Variants in PPP2R2C observed in about 807,000 individuals in gnomAD.
PPP2R2C encodes the protein protein phosphatase 2 regulatory subunit Bgamma.
A neutral mutation model predicts 45.3 loss-of-function variants in PPP2R2C; 10 were observed. The ratio of observed to expected loss-of-function variants is 0.22; its 90% CI spans 0.14 to 0.37. The LOEUF (loss-of-function observed/expected upper bound fraction) is 0.37. PPP2R2C is among the 10% of genes least tolerant of loss of function. The pLI is 1.00. For missense variants in PPP2R2C, 308 were observed against 619.7 expected, an observed-to-expected ratio of 0.50 and a Z score of 5.34; for synonymous variants, 257 against 245.4, an observed-to-expected ratio of 1.05 and a Z score of -0.44.
chr4:6,539,738 C>T (rs13121398), intron 1 of PPP2R2C, among the ~76,000 whole-genome samples: 54,248 of 152,088 alleles, frequency 0.36, 11,208 homozygotes, highest in Non-Finnish European at 0.47. Flanking sequence ...TCCCTGCAGG[C>T]GGAAGCTGCA....
chr4:6,336,569 G>A (rs2109185502), intron 6 of PPP2R2C, among the ~76,000 whole-genome samples: 1 of 151,466 alleles, frequency 6.6e-6, no homozygotes, highest in Non-Finnish European at 1.5e-5. Context: ...AGGGCCGCAG[G>A]CAGCAAAGAT....
In PPP2R2C at chr4:6,483,646, T is replaced by C. The variant is rs149450434; in HGVS notation, c.49+51625A>G. 1.7e-3 allele frequency among the ~76,000 whole-genome samples: 256 copies of C among 152,208 alleles called. 2 individuals are homozygous for C. Among genetic ancestry groups the C allele is most frequent in the Admixed American group, 2.2e-3 (33 of 15,290 alleles). On this transcript the variant is annotated intron_variant, in intron 2 of 9. Coordinates refer to the PPP2R2C transcript ENST00000506140. ...GGTTGTTTGCCTTCTTACTATTGAG[T>C]TTTGAGAATCCTTTATATATTCTAG... is the stretch of plus-strand genomic sequence containing the variant.
chr4:6,496,942 T>C (rs1259543525), intron 2 of PPP2R2C, among the ~76,000 whole-genome samples: 3 of 152,058 alleles, frequency 2.0e-5, no homozygotes, highest in African/African-American at 4.8e-5. Flanking sequence ...GCCATACGTA[T>C]GGACGGGGGT....
At chr4:6,495,639 G>A (rs1722857136) in intron 2 of PPP2R2C, among the ~76,000 whole-genome samples, 1 of 152,212 alleles carries the variant, frequency 6.6e-6, no homozygotes, top group African/African-American at 2.4e-5. Flanking sequence ...TTCTCCACCT[G>A]GAAATGGAGA....
chr4:6,531,321 C>T (rs189058414), intron 2 of PPP2R2C, among the ~76,000 whole-genome samples: 2 of 152,328 alleles, frequency 1.3e-5, no homozygotes, highest in African/African-American at 4.8e-5. Context: ...TGCACCCTCA[C>T]AGAGGAAAGG....
intron 2 of PPP2R2C, among the ~76,000 whole-genome samples, chr4:6,521,166 C>T (rs1251405933): frequency 6.6e-6 from 1 of 152,220 alleles, no homozygotes; most frequent in Admixed American, 6.5e-5. Flanking sequence ...CCCACCACTG[C>T]ATGTTGTCTG....
chr4:6,371,940 A>C (rs1304093494), intron 5 of PPP2R2C, among the ~76,000 whole-genome samples: 1 of 152,142 alleles, frequency 6.6e-6, no homozygotes, highest in Non-Finnish European at 1.5e-5. Context: ...GCTGGTGCTC[A>C]TGTCATCACC....
Position 6,471,373 on chromosome 4 carries a change from G to GC in PPP2R2C, c.70+786dup, listed in dbSNP as rs941871879. 1.5e-4 allele frequency among the ~76,000 whole-genome samples: 23 copies of GC among 152,140 alleles called. No homozygotes were observed. Among genetic ancestry groups the GC allele is most frequent in the African/African-American group, 5.1e-4 (21 of 41,544 alleles). On this transcript the variant is annotated intron_variant, in intron 1 of 8. Coordinates refer to ENST00000382599, the MANE Select transcript of PPP2R2C (RefSeq NM_020416.4). The surrounding 1 kb of genome is among the most constrained non-coding windows in gnomAD (Gnocchi z 5.6). Reference sequence around the variant, plus strand: ...TTCCCCTAGCGAGGCAGACCAGGGGGCCCCCGGAAGTTCCAGGCCTGTAAG... The same window carrying GC: ...TTCCCCTAGCGAGGCAGACCAGGGGGCCCCCCGGAAGTTCCAGGCCTGTAAG...
rs552865989 is a variant in PPP2R2C at position 6,373,440 on chromosome 4, C to T, written c.448-740G>A. On this transcript the variant is annotated intron_variant, in intron 4 of 8. Coordinates refer to ENST00000382599, the MANE Select transcript of PPP2R2C (RefSeq NM_020416.4). The stretch of plus-strand genomic sequence containing the variant: ...CCTTGCCATGGCATCAGACACTGAG[C>T]TTTCACAGCCCTGAAGGTCCCTTGC... 1.5e-3 allele frequency among the ~76,000 whole-genome samples: 223 copies of T among 152,318 alleles called. 2 individuals carry two copies. The highest frequency in any genetic ancestry group is 8.1e-4 in the Non-Finnish European group (55 of 68,030).
At chr4:6,336,424 T>A (rs1732853775) in intron 6 of PPP2R2C, among the ~76,000 whole-genome samples, 3 of 151,942 alleles carry the variant, frequency 2.0e-5, no homozygotes, top group Non-Finnish European at 4.4e-5. Context: ...CCCGAGCCCC[T>A]CGTGTGGCCT....
At chr4:6,520,759 A>G (rs1008022598) in intron 2 of PPP2R2C, among the ~76,000 whole-genome samples, 2 of 152,214 alleles carry the variant, frequency 1.3e-5, no homozygotes, top group Non-Finnish European at 1.5e-5. Flanking sequence ...TCATTTATGC[A>G]AGGCCCACCA....
chr4:6,335,281 G>A (rs1482712905), intron 6 of PPP2R2C, among the ~76,000 whole-genome samples: 1 of 152,210 alleles, frequency 6.6e-6, no homozygotes, highest in African/African-American at 2.4e-5. Context: ...CAGGCAGATA[G>A]GTGCTGGGGG....
At position 6,472,396 on chromosome 4, in the gene PPP2R2C, G is replaced by A; in HGVS notation, c.-167C>T. 1.1e-6 allele frequency: 1 copy of A among 914,450 alleles called. No homozygotes were observed. Among genetic ancestry groups the A allele is most frequent in the Non-Finnish European group, 1.3e-6 (1 of 765,722 alleles). The allele number at this position is 914,450 out of a possible 1,614,324, so 56.6% of individuals were successfully genotyped here. On this transcript the variant is annotated 5_prime_UTR_variant, in exon 1 of 9. Transcript: ENST00000382599. ...GGCAGGGGGACGGGCGGGGGCGGCCGGGGGCGGGCGCCGCGGTCAAGCGAG... is the reference window on the plus strand; with the variant it reads ...GGCAGGGGGACGGGCGGGGGCGGCCAGGGGCGGGCGCCGCGGTCAAGCGAG...
rs114142322 is a variant in PPP2R2C at position 6,527,242 on chromosome 4, G to A, written c.49+8029C>T. 7.0e-3 allele frequency among the ~76,000 whole-genome samples: 1,072 copies of A among 152,292 alleles called. 16 individuals are homozygous for A. Among genetic ancestry groups the A allele is most frequent in the African/African-American group, 0.025 (1,021 of 41,554 alleles). On this transcript the variant is annotated intron_variant, in intron 2 of 9. Transcript: ENST00000506140. ...CGCTGAGCGACCTTGGCCAGGGAGC[G>A]GGGATCTGTCCCCTCTCAGGGCCTC...
chr4:6,534,536 C>A (rs1577244474), intron 2 of PPP2R2C, among the ~76,000 whole-genome samples: 1 of 151,974 alleles, frequency 6.6e-6, no homozygotes, highest in South Asian at 2.1e-4. Flanking sequence ...CACATCAATA[C>A]ACACACCCCA....
At chr4:6,513,638 G>A (rs1723740104) in intron 2 of PPP2R2C, among the ~76,000 whole-genome samples, 2 of 152,220 alleles carry the variant, frequency 1.3e-5, no homozygotes, top group African/African-American at 4.8e-5. Flanking sequence ...GAAAGGGACA[G>A]GTCAGGTATG....
At chr4:6,524,764 G>A (rs1411691879) in intron 2 of PPP2R2C, among the ~76,000 whole-genome samples, 1 of 152,138 alleles carries the variant, frequency 6.6e-6, no homozygotes, top group African/African-American at 2.4e-5. Flanking sequence ...ATGTACAGAG[G>A]CATCTTCAGG....
At chr4:6,559,130 C>T (rs776313711) in intron 1 of PPP2R2C, among the ~76,000 whole-genome samples, 20 of 152,222 alleles carry the variant, frequency 1.3e-4, no homozygotes, top group Non-Finnish European at 2.5e-4. Context: ...CAGAACAGAA[C>T]CTAAATTTAA....
intron 5 of PPP2R2C, among the ~76,000 whole-genome samples, chr4:6,358,016 C>T (rs755881133): frequency 8.5e-5 from 13 of 152,186 alleles, no homozygotes; most frequent in Non-Finnish European, 1.6e-4. Context: ...CAAAAAAGAG[C>T]CCGCATTCCC....
Sources: allele counts gnomAD v4.1 joint callset (sites outside exome capture counted in the v4.1 genomes callset), GRCh38; gene constraint gnomAD v4.1.1; non-coding constraint Gnocchi (gnomAD v3.1); transcripts MANE v1.5; gene names NCBI Gene and HGNC (gene_info 2026-07-23, HGNC 2026-07-21).